ARID4B: variants seen among roughly 807,000 people sequenced by gnomAD.
The protein encoded by ARID4B is AT-rich interactive domain-containing protein 4B.
ARID4B carries 26 observed loss-of-function variants against 147.5 expected under a neutral mutation model. The ratio of observed to expected loss-of-function variants is 0.18; its 90% confidence interval spans 0.13 to 0.24. ARID4B has a LOEUF of 0.24. Ranked by LOEUF, ARID4B falls within the 10% of genes least tolerant of loss-of-function variation. The pLI is 1.00. For synonymous variants in ARID4B, 512 were observed against 507.9 expected, an observed-to-expected ratio of 1.01 and a Z score of -0.11; for missense variants, 1,179 against 1,511.5, an observed-to-expected ratio of 0.78 and a Z score of 3.65.
intron 2 of ARID4B, among the ~76,000 whole-genome samples, chr1:235,276,819 T>C (rs1009863968): frequency 6.6e-6 from 1 of 151,798 alleles, no homozygotes; most frequent in Non-Finnish European, 1.5e-5. Context: ...GCCAACATGG[T>C]GAAACCTCAT....
chr1:235,286,271 T>C (rs969037551), intron 2 of ARID4B, among the ~76,000 whole-genome samples: 11 of 152,318 alleles, frequency 7.2e-5, no homozygotes, highest in African/African-American at 2.6e-4. Context: ...TGGACTCAAG[T>C]GATCCTCCCA....
chr1:235,294,264 C>T (rs895442723), intron 2 of ARID4B, among the ~76,000 whole-genome samples: 26 of 148,804 alleles, frequency 1.7e-4, no homozygotes, highest in African/African-American at 5.7e-4. Flanking sequence ...ATACCTCTTT[C>T]GTTACTGATA....
intron 19 of ARID4B, among the ~76,000 whole-genome samples, chr1:235,189,399 C>CAAAAAA (rs11299121): frequency 3.4e-4 from 20 of 58,902 alleles, no homozygotes; most frequent in South Asian, 8.7e-4. Context: ...GACTCAGTCT[C>CAAAAAA]AAAAAAAAAA....
intron 2 of ARID4B, among the ~76,000 whole-genome samples, chr1:235,323,981 C>T (rs1434762697): frequency 1.3e-5 from 2 of 151,554 alleles, no homozygotes; most frequent in Admixed American, 1.3e-4. Context: ...CCTCAGCTCA[C>T]TGCAACCTCC....
chr1:235,246,990 G>A (rs1180584199), intron 6 of ARID4B, among the ~76,000 whole-genome samples: 1 of 152,116 alleles, frequency 6.6e-6, no homozygotes, highest in African/African-American at 2.4e-5. Flanking sequence ...AAGCCTCGGA[G>A]TAAGTTATAT....
At chr1:235,313,314 C>A (rs1674202585) in intron 2 of ARID4B, among the ~76,000 whole-genome samples, 1 of 151,356 alleles carries the variant, frequency 6.6e-6, no homozygotes, top group Non-Finnish European at 1.5e-5. Context: ...ACGGGCATGA[C>A]CCACCGTGCA....
rs533490937 is a variant in ARID4B at position 235,233,992 on chromosome 1, T to C, written c.665+421A>G. Among the ~76,000 whole-genome samples the C allele has an allele frequency of 8.5e-5, 13 of 152,206 alleles. No individual in the cohort carries two copies. In the South Asian group the frequency reaches 2.1e-3, roughly 24 times the overall value. ...TACTCAGGAGGCTGAGGCAGGAGAA[T>C]AGCTTGAACCCAGGAGGCAGAGGTT... On this transcript the variant is annotated intron_variant, in intron 9 of 23. Transcript: ENST00000264183.
At chr1:235,314,902 G>T (rs1328376448) in intron 2 of ARID4B, among the ~76,000 whole-genome samples, 2 of 151,986 alleles carry the variant, frequency 1.3e-5, no homozygotes, top group Admixed American at 6.6e-5. Flanking sequence ...ATTTGCTATT[G>T]AAGTGCATTG....
chr1:235,251,700 T>C (rs556869237), intron 6 of ARID4B, among the ~76,000 whole-genome samples: 1 of 152,092 alleles, frequency 6.6e-6, no homozygotes, highest in Non-Finnish European at 1.5e-5. Flanking sequence ...TATTAATTAG[T>C]AATATTAAAA....
chr1:235,273,070 G>C lies in ARID4B; in HGVS notation c.7-12318C>G, dbSNP rs533254800. On this transcript the variant is annotated intron_variant, in intron 2 of 23. Transcript: ENST00000264183. ...TTTCTGAAATCTCAAGTTCCTGGCAGTTATATTTACAGGCTAGAGTGCAGT... is the reference window on the plus strand; with the variant it reads ...TTTCTGAAATCTCAAGTTCCTGGCACTTATATTTACAGGCTAGAGTGCAGT... 2.6e-5 allele frequency among the ~76,000 whole-genome samples: 4 copies of C among 152,274 alleles called. No homozygotes were observed. In the East Asian group the frequency reaches 7.7e-4, roughly 29 times the overall value.
intron 2 of ARID4B, among the ~76,000 whole-genome samples, chr1:235,293,344 C>A (rs771887283): frequency 2.6e-5 from 4 of 152,106 alleles, no homozygotes. Flanking sequence ...TGAAGTAGTA[C>A]ATGCTCATTT....
intron 4 of ARID4B, 75 bp from the exon 5 acceptor site, chr1:235,255,825 TTTA>T: frequency 1.1e-6 from 1 of 933,300 alleles, no homozygotes; most frequent in Non-Finnish European, 1.7e-6. Flanking sequence ...TTTGTTTTCT[TTTA>T]ACTGAGTGCA....
At chr1:235,186,471 C>T (rs1310342376) in intron 19 of ARID4B, among the ~76,000 whole-genome samples, 1 of 146,974 alleles carries the variant, frequency 6.8e-6, no homozygotes, top group Non-Finnish European at 1.5e-5. Flanking sequence ...AGTGCGCTGG[C>T]AAGATCTCAG....
intron 2 of ARID4B, among the ~76,000 whole-genome samples, chr1:235,325,069 T>C (rs1407353299): frequency 6.6e-6 from 1 of 152,126 alleles, no homozygotes; most frequent in Non-Finnish European, 1.5e-5. Context: ...ACATAAGAAA[T>C]AAAGTTGTAA....
chr1:235,207,940 A>C (rs1666429907), intron 17 of ARID4B, among the ~76,000 whole-genome samples: 1 of 152,204 alleles, frequency 6.6e-6, no homozygotes, highest in African/African-American at 2.4e-5. Flanking sequence ...AACTGTTAAC[A>C]TGCACTAGAA....
At chr1:235,236,005 A>G (rs1487781824) in intron 8 of ARID4B, among the ~76,000 whole-genome samples, 1 of 151,052 alleles carries the variant, frequency 6.6e-6, no homozygotes, top group South Asian at 2.1e-4. Flanking sequence ...GACTCAATGC[A>G]GCCTCAACCT....
chr1:235,224,704 T>C lies in ARID4B; in HGVS notation c.969A>G (p.Arg323=). The change falls in exon 12 of 24, where the codon AGA becomes AGG. Residue 323 remains arginine, a splice_region_variant and synonymous_variant. Coordinates refer to ENST00000264183, the MANE Select transcript of ARID4B (RefSeq NM_016374.6). ...LQQLYKFMED[R]GTPINKRPVL... ...TAATGATAAATAAAAAATACTCACCTCTATCTTCCATAAATTTGTACAATT... is the reference window on the plus strand; with the variant it reads ...TAATGATAAATAAAAAATACTCACCCCTATCTTCCATAAATTTGTACAATT... The C allele has an allele frequency of 6.3e-7, 1 of 1,579,758 alleles. No individual in the cohort carries two copies. Among genetic ancestry groups the C allele is most frequent in the East Asian group, 2.2e-5 (1 of 44,538 alleles).
Position 235,231,500 on chromosome 1 carries a change from T to G in ARID4B, c.666-311A>C, listed in dbSNP as rs537281945. On this transcript the variant is annotated intron_variant, in intron 9 of 23. Coordinates refer to ENST00000264183, the MANE Select transcript of ARID4B (RefSeq NM_016374.6). ...ACTTTTTTTGTTTTGTTTTGTTTTG[T>G]TTTTGAGACAGGGTCTCACTCTGTC... Among the ~76,000 whole-genome samples the G allele has an allele frequency of 9.1e-4, 138 of 152,222 alleles. 3 individuals are homozygous for G. In the South Asian group the frequency reaches 0.027, roughly 30 times the overall value.
At chr1:235,204,534 T>C (rs1381771060) in intron 17 of ARID4B, among the ~76,000 whole-genome samples, 1 of 152,090 alleles carries the variant, frequency 6.6e-6, no homozygotes, top group Non-Finnish European at 1.5e-5. Context: ...AGTAATTATA[T>C]CAATAGGTTT....
Sources: allele counts gnomAD v4.1 joint callset (sites outside exome capture counted in the v4.1 genomes callset), GRCh38; gene constraint gnomAD v4.1.1; transcripts MANE v1.5; gene names NCBI Gene and HGNC (gene_info 2026-07-23, HGNC 2026-07-21).